Variants in TFDP2 observed in about 807,000 individuals in gnomAD.
The protein encoded by TFDP2 is transcription factor Dp-2 (E2F dimerization partner 2).
Under a neutral mutation model 59.3 loss-of-function variants are expected in TFDP2, and 17 were observed. That is an observed-to-expected ratio of 0.29 (90% CI 0.20 to 0.43). The LOEUF (loss-of-function observed/expected upper bound fraction) is 0.43, where lower values mean the gene tolerates loss of function less well. Ranked by LOEUF, TFDP2 falls within the 20% of genes least tolerant of loss-of-function variation. TFDP2 has a pLI of 1.00. For missense variants in TFDP2, 391 were observed against 528.8 expected (o/e 0.74, Z 2.56); for synonymous variants, 180 against 194.7 (o/e 0.92, Z 0.63).
intron 6 of TFDP2, among the ~76,000 whole-genome samples, chr3:141,980,304 A>G (rs568539265): frequency 7.0e-4 from 107 of 152,214 alleles, no homozygotes; most frequent in African/African-American, 2.4e-3. Flanking sequence ...ATAAGGATAT[A>G]AAGAAAATAT....
In TFDP2 at chr3:141,973,930, T is replaced by G. The variant is rs73872521; in HGVS notation, c.663+118A>C. The G allele has an allele frequency of 1.4e-3, 1,602 of 1,184,896 alleles. 15 individuals carry two copies. In the African/African-American group the frequency reaches 0.022, roughly 17 times the overall value. 73.4% of individuals were successfully genotyped at this position (1,184,896 alleles called of 1,614,324 possible). ...TAAAATTCTACAGTCTGTTAAAAAA[T>G]GACATGGTATACATGAAAAATTGGA... On this transcript the variant is annotated intron_variant, in intron 8 of 12. Coordinates refer to ENST00000489671, the MANE Select transcript of TFDP2 (RefSeq NM_001178139.2).
chr3:141,977,101 T>G (rs1309195690), intron 7 of TFDP2, among the ~76,000 whole-genome samples: 3,790 of 98,148 alleles, frequency 0.039, 158 homozygotes, highest in Middle Eastern at 0.068. Context: ...TATATATATA[T>G]ATATATTTTT....
chr3:142,128,721 A>G (rs2062373851), intron 1 of TFDP2, among the ~76,000 whole-genome samples: 1 of 152,098 alleles, frequency 6.6e-6, no homozygotes, highest in South Asian at 2.1e-4. Flanking sequence ...GTAGAACAGA[A>G]GCAGGGGATT....
intron 3 of TFDP2, among the ~76,000 whole-genome samples, chr3:142,049,279 T>A (rs577481841): frequency 2.6e-5 from 4 of 152,190 alleles, no homozygotes; most frequent in African/African-American, 9.6e-5. Flanking sequence ...TATGCCTGAG[T>A]TTATCCCATG....
intron 8 of TFDP2, among the ~76,000 whole-genome samples, chr3:141,971,498 G>A (rs957152273): frequency 6.6e-5 from 10 of 151,376 alleles, no homozygotes; most frequent in Admixed American, 2.0e-4. Flanking sequence ...GCAGTGAGCC[G>A]AAGATTGCGC....
rs558582418 is a variant in TFDP2 at position 142,000,368 on chromosome 3, G to C, written c.186+5073C>G. 4.3e-6 allele frequency: 3 copies of C among 700,804 alleles called. No homozygotes were observed. The Admixed American group carries it at 6.0e-5, about 14-fold the overall frequency. 43.4% of individuals were successfully genotyped at this position (700,804 alleles called of 1,614,324 possible). A position where few individuals can be genotyped will look rare whatever the true frequency, so the allele number is the denominator to read the frequency against. Reference sequence around the variant, plus strand: ...TCTGGTTGCATCCTAATAGCAGAAAGGGTCCAGGGTGCTCCCTTCAACCTC... The same window carrying C: ...TCTGGTTGCATCCTAATAGCAGAAACGGTCCAGGGTGCTCCCTTCAACCTC... On this transcript the variant is annotated intron_variant, in intron 4 of 12. Transcript: ENST00000489671.
rs377589251 is a variant in TFDP2, at chr3:142,136,014, CCCA to C, written c.-93+13166_-93+13168del. 3.4e-4 allele frequency among the ~76,000 whole-genome samples: 51 copies of C among 152,182 alleles called. No homozygotes were observed. The East Asian group carries it at 6.0e-3, about 18-fold the overall frequency. On this transcript the variant is annotated intron_variant, in intron 1 of 12. Transcript: ENST00000489671. Reference sequence around the variant, plus strand: ...CACAATGGTTGAACTAATTTACACTCCCACCAACAGTGTAAAAGCATTCCTATT... The same window carrying C: ...CACAATGGTTGAACTAATTTACACTCCCAACAGTGTAAAAGCATTCCTATT...
chr3:142,030,943 C>T (rs1309251778), intron 3 of TFDP2, among the ~76,000 whole-genome samples: 1 of 151,276 alleles, frequency 6.6e-6, no homozygotes, highest in African/African-American at 2.4e-5. Context: ...AGGGTTTCAC[C>T]GTTTTAGCCG....
At position 141,952,661 on chromosome 3, in the gene TFDP2, G is replaced by A; in HGVS notation, c.1193C>T (p.Ala398Val). Residue 398 changes from alanine (A) to valine (V), a missense_variant, in exon 13 of 13, where the codon GCC becomes GTC. Ala to Val is a moderately conservative substitution (Grantham distance 64). Around this residue, in one of 3 missense-constraint regions of TFDP2, gnomAD observed 223 missense variants for 292.5 expected, o/e 0.76. Transcript: ENST00000489671. ...GGCCAGGAACTGCCCAGTTGCTAAG[G>A]CCACTTCTGCATCCAAGCATAACCC... The part of the protein sequence containing the change: ...NQGLCLDAEV[A>V]LATGQFLAPN... The A allele has an allele frequency of 1.2e-6, 2 of 1,607,338 alleles. No homozygotes were observed. Among genetic ancestry groups the A allele is most frequent in the East Asian group, 2.2e-5 (1 of 44,860 alleles).
chr3:142,109,478 G>A (rs912214603), intron 1 of TFDP2, among the ~76,000 whole-genome samples: 35 of 152,070 alleles, frequency 2.3e-4, no homozygotes, highest in African/African-American at 5.3e-4. Flanking sequence ...AAAGGCATGC[G>A]CCAGCACCCC....
At chr3:141,953,442 T>C (rs1487690050) in intron 11 of TFDP2, among the ~76,000 whole-genome samples, 1 of 151,874 alleles carries the variant, frequency 6.6e-6, no homozygotes, top group Non-Finnish European at 1.5e-5. Flanking sequence ...CAGAAATACA[T>C]GAGGTAAGAA....
At position 141,950,660 on chromosome 3, in the gene TFDP2, AGAGAT is replaced by A. The variant is rs1490004519; in HGVS notation, c.*1848_*1852del. The A allele has an allele frequency of 6.6e-6, 1 of 152,638 alleles. No individual in the cohort carries two copies. The highest frequency in any genetic ancestry group is 1.5e-5 in the Non-Finnish European group (1 of 68,060). The allele number at this position is 152,638 out of a possible 1,614,324, so 9.5% of individuals were successfully genotyped here. ...CCTCTCCAGGTCCCTGCTGGGTCCCAGAGATGAGAAAGGGTGGAGTTAGTAAAAGA... is the reference window on the plus strand; with the variant it reads ...CCTCTCCAGGTCCCTGCTGGGTCCCAGAGAAAGGGTGGAGTTAGTAAAAGA... On this transcript the variant is annotated 3_prime_UTR_variant, in exon 13 of 13. Coordinates refer to ENST00000489671, the MANE Select transcript of TFDP2 (RefSeq NM_001178139.2).
intron 3 of TFDP2, among the ~76,000 whole-genome samples, chr3:142,075,417 T>C (rs1420122186): frequency 7.9e-5 from 12 of 152,182 alleles, no homozygotes; most frequent in Non-Finnish European, 1.5e-4. Context: ...CCTCAATCTC[T>C]GCCATCAAAT....
In TFDP2 at chr3:141,955,032, C is replaced by T. The variant is rs566126768; in HGVS notation, c.1052-2016G>A. On this transcript the variant is annotated intron_variant, in intron 11 of 12. Coordinates refer to ENST00000489671, the MANE Select transcript of TFDP2 (RefSeq NM_001178139.2). ...AGCAGACTTTAAATACATTAAATAA[C>T]GACAAGTCTGTACAAGAAAATAAAA... 2.1e-3 allele frequency among the ~76,000 whole-genome samples: 311 copies of T among 148,160 alleles called. 1 individual carries two copies. The highest frequency in any genetic ancestry group is 5.7e-3 in the Admixed American group (81 of 14,288).
intron 3 of TFDP2, among the ~76,000 whole-genome samples, chr3:142,005,847 A>C (rs1357045809): frequency 6.6e-6 from 1 of 152,212 alleles, no homozygotes; most frequent in African/African-American, 2.4e-5. Flanking sequence ...TAGAAGAAAA[A>C]ATTTTTAGAG....
chr3:142,030,741 C>CTTT lies in TFDP2; in HGVS notation c.83-25200_83-25198dup, dbSNP rs56836983. Among the ~76,000 whole-genome samples, 116 of 121,748 alleles carry CTTT rather than the reference C, an allele frequency of 9.5e-4. 2 individuals carry two copies. Among genetic ancestry groups the CTTT allele is most frequent in the African/African-American group, 1.8e-3 (58 of 31,560 alleles). 79.9% of individuals were successfully genotyped at this position (121,748 alleles called of 152,430 possible). A position where few individuals can be genotyped will look rare whatever the true frequency, so the allele number is the denominator to read the frequency against. On this transcript the variant is annotated intron_variant, in intron 3 of 12. Transcript: ENST00000489671. Reference sequence around the variant, plus strand: ...GTACTCAAGTATATTCCCGTGTTCTCTTTTTTTTTTTTTTTTTTTGAGACG... The same window carrying CTTT: ...GTACTCAAGTATATTCCCGTGTTCTCTTTTTTTTTTTTTTTTTTTTTTGAGACG...
At chr3:141,978,255 G>C (rs1941005867) in intron 7 of TFDP2, among the ~76,000 whole-genome samples, 1 of 150,832 alleles carries the variant, frequency 6.6e-6, no homozygotes, top group African/African-American at 2.4e-5. Flanking sequence ...TGAGTCACAA[G>C]AATAGCTTGA....
chr3:142,024,778 G>C (rs1945931394), intron 3 of TFDP2, among the ~76,000 whole-genome samples: 1 of 152,140 alleles, frequency 6.6e-6, no homozygotes, highest in Admixed American at 6.5e-5. Flanking sequence ...CCAGCACTTT[G>C]GGAGGTCGAG....
chr3:141,973,123 A>ATATATATATATATATATATTTT, intron 8 of TFDP2, among the ~76,000 whole-genome samples: 5 of 58,026 alleles, frequency 8.6e-5, no homozygotes, highest in African/African-American at 3.2e-4. Context: ...ATATATATAT[A>ATATATATATATATATATATTTT]TTTTTTTTTT....
Sources: gnomAD v4.1 joint callset for allele counts (sites outside exome capture counted in the v4.1 genomes callset) on GRCh38, gnomAD v4.1.1 for gene constraint, gnomAD v4.1.1 regional missense constraint, MANE v1.5 for transcripts, NCBI Gene and HGNC (gene_info 2026-07-23, HGNC 2026-07-21) for gene names.